Variants in CEP89 observed in about 807,000 individuals in gnomAD.
CEP89 encodes centrosomal protein 89, also known as centrosomal protein of 89 kDa.
Under a neutral mutation model 97.6 loss-of-function variants are expected in CEP89, and 95 were observed. That is an observed-to-expected ratio of 0.97 (90% CI 0.82 to 1.15). The LOEUF is 1.15. CEP89 is among the 50% of genes most tolerant of loss of function. The pLI, the probability that CEP89 is intolerant of heterozygous loss-of-function variation, is 0.00. For missense variants in CEP89, 869 were observed against 947.7 expected, an observed-to-expected ratio of 0.92 and a Z score of 1.09; for synonymous variants, 354 against 349.1, an observed-to-expected ratio of 1.01 and a Z score of -0.16.
intron 18 of CEP89, 95 bp from the exon 19 acceptor site, chr19:32,879,473 A>G: frequency 9.8e-7 from 1 of 1,024,412 alleles, no homozygotes; most frequent in Admixed American, 2.0e-5. Context: ...GAAGAACGCT[A>G]TCAGCAGGGA....
intron 14 of CEP89, among the ~76,000 whole-genome samples, chr19:32,904,756 G>A (rs539880565): frequency 5.3e-5 from 8 of 151,682 alleles, no homozygotes; most frequent in Non-Finnish European, 8.8e-5. Context: ...CACACCCAGC[G>A]AATTTTTGTA....
In CEP89 at chr19:32,910,902, C is replaced by A. The variant is rs575383191; in HGVS notation, c.1565+4435G>T. ...CCGCCTGAGCCTGTTTTACAGTTAA[C>A]TTTATTTTGTTATAAGTAGAAGGAG... On this transcript the variant is annotated intron_variant, in intron 14 of 18. Coordinates refer to ENST00000305768, the MANE Select transcript of CEP89 (RefSeq NM_032816.5). 3.3e-5 allele frequency among the ~76,000 whole-genome samples: 5 copies of A among 152,316 alleles called. No homozygotes were observed. The East Asian group carries it at 9.6e-4, about 29-fold the overall frequency.
At chr19:32,921,399 T>A (rs1970246893) in intron 12 of CEP89, among the ~76,000 whole-genome samples, 3 of 151,864 alleles carry the variant, frequency 2.0e-5, no homozygotes, top group Non-Finnish European at 2.9e-5. Flanking sequence ...TGGAGGGCAG[T>A]GAATTCAAAG....
chr19:32,928,091 T>C (rs1335854216), intron 9 of CEP89, among the ~76,000 whole-genome samples: 1 of 151,750 alleles, frequency 6.6e-6, no homozygotes, highest in African/African-American at 2.4e-5. Flanking sequence ...AATTTTTGTA[T>C]TTTTAGTAGA....
intron 14 of CEP89, among the ~76,000 whole-genome samples, chr19:32,911,988 A>G (rs1189541832): frequency 6.6e-6 from 1 of 152,112 alleles, no homozygotes; most frequent in Non-Finnish European, 1.5e-5. Context: ...GCACTTTGGG[A>G]GGCCTAGGCA....
chr19:32,927,813 C>A (rs966198354), intron 9 of CEP89, among the ~76,000 whole-genome samples: 1 of 151,452 alleles, frequency 6.6e-6, no homozygotes, highest in Non-Finnish European at 1.5e-5. Context: ...CCATGTTGCC[C>A]AGGCTGGTCT....
intron 12 of CEP89, among the ~76,000 whole-genome samples, chr19:32,922,573 C>T (rs1370715332): frequency 1.4e-5 from 2 of 148,076 alleles, no homozygotes; most frequent in African/African-American, 5.0e-5. Flanking sequence ...AGACGCCAGG[C>T]GCAGTGGCTC....
In CEP89 at chr19:32,966,486, C is replaced by A; in HGVS notation, c.40-20G>T. ...GTGTTTCTGCACAAATGAAATCCAA[C>A]AGAAGTCACTGGGTTGGGTCACTGG... On this transcript the variant is annotated intron_variant, in intron 1 of 18. Coordinates refer to ENST00000305768, the MANE Select transcript of CEP89 (RefSeq NM_032816.5). 1 of 1,441,932 alleles carries A rather than the reference C, an allele frequency of 6.9e-7. No individual in the cohort carries two copies. The highest frequency in any genetic ancestry group is 9.3e-7 in the Non-Finnish European group (1 of 1,073,854). 89.3% of individuals were successfully genotyped at this position (1,441,932 alleles called of 1,614,324 possible).
intron 17 of CEP89, among the ~76,000 whole-genome samples, chr19:32,886,598 G>A (rs1360317456): frequency 6.6e-6 from 1 of 152,122 alleles, no homozygotes; most frequent in Non-Finnish European, 1.5e-5. Flanking sequence ...TCTACCTTGG[G>A]GCCTGCTCAC....
intron 5 of CEP89, among the ~76,000 whole-genome samples, chr19:32,942,649 G>A (rs12462727): frequency 0.11 from 16,603 of 152,018 alleles, 1,137 homozygotes; most frequent in East Asian, 0.29. Flanking sequence ...TAATGTACAC[G>A]CAGTTCACTT....
intron 17 of CEP89, 66 bp from the exon 18 acceptor site, chr19:32,882,079 G>T: frequency 1.4e-6 from 2 of 1,391,044 alleles, no homozygotes; most frequent in Non-Finnish European, 2.0e-6. Flanking sequence ...GTGCCTCCTG[G>T]CTGTGCTCCC....
At chr19:32,896,776 TCTC>T (rs1969651474) in intron 16 of CEP89, among the ~76,000 whole-genome samples, 2 of 150,322 alleles carry the variant, frequency 1.3e-5, no homozygotes, top group African/African-American at 4.9e-5. Context: ...TCTCTCTCTC[TCTC>T]TTTTTTTTTT....
At chr19:32,934,775 A>G (rs1489647437) in intron 7 of CEP89, among the ~76,000 whole-genome samples, 1 of 152,068 alleles carries the variant, frequency 6.6e-6, no homozygotes, top group Non-Finnish European at 1.5e-5. Context: ...GGCTCCAGGG[A>G]TACACCTTGC....
At chr19:32,923,610 C>T (rs1970297705) in intron 11 of CEP89, 68 bp from the exon 12 acceptor site, 6 of 1,019,154 alleles carry the variant, frequency 5.9e-6, no homozygotes, top group Admixed American at 5.5e-5. Flanking sequence ...AGTTCTGGTG[C>T]TGCTGCTGTG....
At chr19:32,914,336 G>A (rs1163403530) in intron 14 of CEP89, among the ~76,000 whole-genome samples, 2 of 152,066 alleles carry the variant, frequency 1.3e-5, no homozygotes, top group Non-Finnish European at 2.9e-5. Flanking sequence ...CTGTTGCCCA[G>A]GCTGGAGTAC....
chr19:32,968,721 T>A (rs1332107169), intron 1 of CEP89, among the ~76,000 whole-genome samples: 1 of 152,048 alleles, frequency 6.6e-6, no homozygotes. Flanking sequence ...AAAACCCTCA[T>A]GGGCAGCACC....
At chr19:32,928,372 C>CCT (rs1041872468) in intron 9 of CEP89, among the ~76,000 whole-genome samples, 17 of 151,088 alleles carry the variant, frequency 1.1e-4, no homozygotes, top group Non-Finnish European at 1.5e-4. Context: ...CTTCCTCCCT[C>CCT]CTCTCTCTCT....
intron 6 of CEP89, among the ~76,000 whole-genome samples, chr19:32,938,156 C>T (rs946282772): frequency 6.6e-6 from 1 of 152,110 alleles, no homozygotes; most frequent in African/African-American, 2.4e-5. Context: ...GTGTCTTCCC[C>T]TCTGGTGGGC....
At chr19:32,912,488 T>C (rs1468140824) in intron 14 of CEP89, among the ~76,000 whole-genome samples, 1 of 152,064 alleles carries the variant, frequency 6.6e-6, no homozygotes, top group Non-Finnish European at 1.5e-5. Flanking sequence ...CCTGCCTGGG[T>C]TTCCAATGGG....
Sources: allele counts gnomAD v4.1 joint callset (sites outside exome capture counted in the v4.1 genomes callset), GRCh38; gene constraint gnomAD v4.1.1; transcripts MANE v1.5; gene names NCBI Gene and HGNC (gene_info 2026-07-23, HGNC 2026-07-21).